GALNT2: variants seen among roughly 807,000 people sequenced by gnomAD.
GALNT2 encodes the protein UDP-GalNAc:polypeptide N-acetylgalactosaminyltransferase 2.
Under a neutral mutation model 81.4 loss-of-function variants are expected in GALNT2, and 31 were observed. The observed-to-expected ratio is 0.38, with a 90% CI of 0.29 to 0.51. The LOEUF (loss-of-function observed/expected upper bound fraction) is 0.51. Among genes scored for constraint, GALNT2 ranks in the 20% least tolerant of loss-of-function variants. The pLI, the probability that GALNT2 is intolerant of heterozygous loss-of-function variation, is 0.87. For missense variants in GALNT2, 629 were observed against 765.7 expected (o/e 0.82, Z 2.11); for synonymous variants, 303 against 287.4 (o/e 1.05, Z -0.55).
In GALNT2 at chr1:230,279,414, G is replaced by A. The variant is rs1666376659; in HGVS notation, c.1672G>A (p.Ala558Thr). 4.3e-6 allele frequency: 7 copies of A among 1,614,026 alleles called. No homozygotes were observed. Among genetic ancestry groups the A allele is most frequent in the Non-Finnish European group, 5.9e-6 (7 of 1,180,038 alleles). The change falls in exon 16 of 16, where the codon GCC (alanine) becomes ACC (threonine). Residue 558 changes from alanine (A) to threonine (T), a missense_variant. Physicochemically the swap from Ala to Thr is moderately conservative, Grantham distance 58. This residue lies in a region of GALNT2 where 207 missense variants were observed against 225.5 expected (regional missense o/e 0.92). Transcript: ENST00000366672. This position sits in a 1 kb window ranked among gnomAD's most constrained non-coding sequence, Gnocchi z 4.6. ...CCTAAGCGTGGAGGTGTGTGGCCCG[G>A]CCCTTTCGCAGCAGTGGAAGTTCAC... ...GGLSVEVCGP[A>T]LSQQWKFTLN... is the part of the protein sequence containing the mutation.
intron 2 of GALNT2, among the ~76,000 whole-genome samples, chr1:230,195,290 T>C (rs955839062): frequency 6.6e-6 from 1 of 152,082 alleles, no homozygotes; most frequent in Non-Finnish European, 1.5e-5. Flanking sequence ...TTAGATGTGG[T>C]TAAACTTGAG....
At position 230,278,301 on chromosome 1, in the gene GALNT2, T is replaced by A. The variant is rs1437318789; in HGVS notation, c.1561-1002T>A. 9.2e-5 allele frequency among the ~76,000 whole-genome samples: 14 copies of A among 151,616 alleles called. 1 individual carries two copies. The highest frequency in any genetic ancestry group is 2.1e-4 in the Non-Finnish European group (14 of 67,902). On this transcript the variant is annotated intron_variant, in intron 15 of 15. Coordinates refer to ENST00000366672, the MANE Select transcript of GALNT2 (RefSeq NM_004481.5). ...CCCTGCTAATTTTTTTTAAAAAAAA[T>A]GTTTGTAGAGATGGGTTCTTGCTAT...
chr1:230,249,293 G>T (rs1226836776), intron 9 of GALNT2, 22 bp downstream of exon 9: 1 of 1,609,990 alleles, frequency 6.2e-7, no homozygotes. Context: ...CATCCTTCAG[G>T]GTGCCCCTCC....
At chr1:230,256,036 G>C (rs769687024) in intron 11 of GALNT2, among the ~76,000 whole-genome samples, 11 of 152,152 alleles carry the variant, frequency 7.2e-5, no homozygotes, top group Admixed American at 3.9e-4. Context: ...CAAAGAGAGG[G>C]CAGGAAAGAG....
chr1:230,238,590 G>T (rs142666527), intron 6 of GALNT2, among the ~76,000 whole-genome samples: 11 of 152,158 alleles, frequency 7.2e-5, no homozygotes, highest in Admixed American at 4.6e-4. Context: ...TGTTAATAAT[G>T]AGATAAATCT....
intron 15 of GALNT2, among the ~76,000 whole-genome samples, chr1:230,278,412 G>A (rs758491416): frequency 7.9e-5 from 12 of 152,036 alleles, no homozygotes; most frequent in East Asian, 5.8e-4. Context: ...GTCGTGAGCC[G>A]CCTGCACTCA....
chr1:230,248,125 C>T (rs142136018), intron 8 of GALNT2, among the ~76,000 whole-genome samples: 2 of 152,304 alleles, frequency 1.3e-5, no homozygotes, highest in East Asian at 3.9e-4. Context: ...TGGGAGGCCT[C>T]TTTGTCCAGA....
chr1:230,250,567 A>G lies in GALNT2; in HGVS notation c.1009+7A>G. 1.3e-6 allele frequency: 2 copies of G among 1,599,144 alleles called. No homozygotes were observed. Among genetic ancestry groups the G allele is most frequent in the South Asian group, 1.1e-5 (1 of 89,154 alleles). On this transcript the variant is annotated splice_region_variant and intron_variant, in intron 10 of 15. Coordinates refer to ENST00000366672, the MANE Select transcript of GALNT2 (RefSeq NM_004481.5). The stretch of plus-strand genomic sequence containing the variant: ...TGGGGAGGAGAGAACCTAGGTATGT[A>G]CAAGCCTCAAATCTCAGGACAGAGA...
At chr1:230,160,079 C>T (rs1002442694) in intron 1 of GALNT2, among the ~76,000 whole-genome samples, 1 of 152,168 alleles carries the variant, frequency 6.6e-6, no homozygotes, top group Non-Finnish European at 1.5e-5. Context: ...GACGATTATC[C>T]TTCTCCAGGA....
At chr1:230,252,843 C>CT (rs58544942) in intron 10 of GALNT2, among the ~76,000 whole-genome samples, 1,762 of 78,830 alleles carry the variant, frequency 0.022, 128 homozygotes, top group African/African-American at 0.058. Context: ...GAGACAACTT[C>CT]TTTTTTTTTT....
At chr1:230,100,857 T>G (rs1299322117) in intron 1 of GALNT2, among the ~76,000 whole-genome samples, 1 of 124,108 alleles carries the variant, frequency 8.1e-6, no homozygotes, top group Non-Finnish European at 1.7e-5. Context: ...TTAGGAAGTG[T>G]ATGGGAAATA....
rs146105417 is a variant in GALNT2 at position 230,141,614 on chromosome 1, G to A, written c.127-36604G>A. On this transcript the variant is annotated intron_variant, in intron 1 of 15. Coordinates refer to ENST00000366672, the MANE Select transcript of GALNT2 (RefSeq NM_004481.5). ...AGGGTTCATCCATGTTGTAGCGCGC[G>A]TCAGAGTTTTCTCCCTATTTAGGGC... 1.6e-4 allele frequency among the ~76,000 whole-genome samples: 24 copies of A among 152,116 alleles called. 1 individual carries two copies. The East Asian group carries it at 4.3e-3, about 27-fold the overall frequency.
chr1:230,239,684 G>T (rs1665141395), intron 6 of GALNT2, among the ~76,000 whole-genome samples: 1 of 152,070 alleles, frequency 6.6e-6, no homozygotes, highest in African/African-American at 2.4e-5. Flanking sequence ...ACTAGGTTTG[G>T]GTCTGCTCTT....
At chr1:230,160,566 T>C (rs1662400098) in intron 1 of GALNT2, among the ~76,000 whole-genome samples, 1 of 151,974 alleles carries the variant, frequency 6.6e-6, no homozygotes, top group Non-Finnish European at 1.5e-5. Flanking sequence ...ATAAAAAAAT[T>C]AGCCGGTCGT....
intron 1 of GALNT2, 46 bp downstream of exon 1, chr1:230,067,452 C>T (rs1219468204): frequency 3.6e-5 from 28 of 779,696 alleles, no homozygotes; most frequent in African/African-American, 1.9e-4. Context: ...GCCCACCCCC[C>T]ACCCTGCGCC....
intron 6 of GALNT2, among the ~76,000 whole-genome samples, chr1:230,238,530 TTTCTCAAGGCCC>T (rs1558154852): frequency 1.3e-5 from 2 of 152,154 alleles, no homozygotes; most frequent in Non-Finnish European, 2.9e-5. Context: ...GCTAGGTGGC[TTTCTCAAGGCCC>T]TTACAGCTAT....
intron 6 of GALNT2, among the ~76,000 whole-genome samples, chr1:230,238,476 C>G (rs1665097894): frequency 6.6e-6 from 1 of 152,108 alleles, no homozygotes; most frequent in Non-Finnish European, 1.5e-5. Flanking sequence ...AAGTTGAGAG[C>G]CTAGTACTTT....
intron 6 of GALNT2, among the ~76,000 whole-genome samples, chr1:230,238,294 G>A (rs2102737620): frequency 6.6e-6 from 1 of 152,190 alleles, no homozygotes; most frequent in Middle Eastern, 3.4e-3. Context: ...ATTCTTCTGT[G>A]GATTTTATTG....
intron 1 of GALNT2, among the ~76,000 whole-genome samples, chr1:230,102,489 G>T (rs1259133495): frequency 1.3e-5 from 2 of 152,138 alleles, no homozygotes; most frequent in Non-Finnish European, 2.9e-5. Context: ...AGAATTCCAG[G>T]TTTATTTTCT....
Sources: allele counts gnomAD v4.1 joint callset (sites outside exome capture counted in the v4.1 genomes callset), GRCh38; gene constraint gnomAD v4.1.1; regional missense constraint gnomAD v4.1.1; non-coding constraint Gnocchi (gnomAD v3.1); transcripts MANE v1.5; gene names NCBI Gene and HGNC (gene_info 2026-07-23, HGNC 2026-07-21).